Variants in SFSWAP observed in about 807,000 individuals in gnomAD.
SFSWAP encodes the protein splicing factor, suppressor of white-apricot homolog.
Under a neutral mutation model 100.7 loss-of-function variants are expected in SFSWAP, and 17 were observed. The ratio of observed to expected loss-of-function variants is 0.17; its 90% CI spans 0.12 to 0.25. SFSWAP has a LOEUF of 0.25. Ranked by LOEUF, SFSWAP falls within the 10% of genes least tolerant of loss-of-function variation. SFSWAP has a pLI of 1.00. For missense variants in SFSWAP, 1,005 were observed against 1,262.6 expected, an observed-to-expected ratio of 0.80 and a Z score of 3.09; for synonymous variants, 504 against 510.1, an observed-to-expected ratio of 0.99 and a Z score of 0.16.
At chr12:131,790,247 C>G (rs933893277) in intron 15 of SFSWAP, among the ~76,000 whole-genome samples, 1 of 152,184 alleles carries the variant, frequency 6.6e-6, no homozygotes, top group African/African-American at 2.4e-5. Flanking sequence ...AGTGGCAACC[C>G]TTCCAAGTCA....
In SFSWAP at chr12:131,711,551, G is replaced by A; in HGVS notation, c.218+104G>A. 1 of 977,130 alleles carries A rather than the reference G, an allele frequency of 1.0e-6. No individual in the cohort carries two copies. 60.5% of individuals were successfully genotyped at this position (977,130 alleles called of 1,614,324 possible). On this transcript the variant is annotated intron_variant, in intron 1 of 17. Transcript: ENST00000261674. This position sits in a 1 kb window ranked among gnomAD's most constrained non-coding sequence, Gnocchi z 4.9. ...GACTGCAGAGAGTTTTCTGGAGCCA[G>A]CGGGGATCTGGGGGACACCCCCTCC... is the stretch of plus-strand genomic sequence containing the variant.
chr12:131,725,614 A>T lies in SFSWAP; in HGVS notation c.816A>T (p.Lys272Asn). 6.2e-7 allele frequency: 1 copy of T among 1,613,504 alleles called. No homozygotes were observed. Among genetic ancestry groups the T allele is most frequent in the Non-Finnish European group, 8.5e-7 (1 of 1,179,704 alleles). The change falls in exon 5 of 18, where the codon AAA (lysine) becomes AAT (asparagine). Residue 272 changes from lysine (K) to asparagine (N), a missense_variant. Lys to Asn is a moderately conservative substitution (Grantham distance 94). This residue lies in a region of SFSWAP where 54 missense variants were observed against 51.9 expected (regional missense o/e 1.04). Transcript: ENST00000261674. This position sits in a 1 kb window ranked among gnomAD's most constrained non-coding sequence, Gnocchi z 4.3. ...EGRYTVLAEN[K>N]SDEKKKSGVS... The stretch of plus-strand genomic sequence containing the variant: ...GCTACACTGTCCTGGCAGAAAACAA[A>T]AGTGACGAGAAAAAAAGTAGGTCCC...
chr12:131,752,662 G>A (rs1881764483), intron 7 of SFSWAP, among the ~76,000 whole-genome samples: 2 of 152,364 alleles, frequency 1.3e-5, no homozygotes, highest in East Asian at 3.9e-4. Flanking sequence ...AATGGAGGGA[G>A]CAGCGTGCCT....
chr12:131,721,219 AC>A (rs1282967132), intron 4 of SFSWAP, among the ~76,000 whole-genome samples: 2 of 152,124 alleles, frequency 1.3e-5, no homozygotes, highest in Non-Finnish European at 2.9e-5. Context: ...CCCACCAGGC[AC>A]TGCCTCCAAC....
intron 12 of SFSWAP, among the ~76,000 whole-genome samples, chr12:131,765,504 C>T (rs1049996332): frequency 6.6e-6 from 1 of 152,002 alleles, no homozygotes; most frequent in Non-Finnish European, 1.5e-5. Context: ...CAAAATTAGC[C>T]GGGCGTGGTG....
intron 7 of SFSWAP, among the ~76,000 whole-genome samples, chr12:131,736,840 C>T (rs904215072): frequency 6.6e-6 from 1 of 151,810 alleles, no homozygotes; most frequent in Admixed American, 6.6e-5. Flanking sequence ...CAATGGAGTG[C>T]CATTTTTCAG....
rs201565806 is a variant in SFSWAP, at chr12:131,799,395, G to A, written c.2791-28G>A. ...GGGTTGTCTGGCCAGGTCTTCACAGGTTCTCCTCTGTGTCTCGCCCTGCAC... is the reference window on the plus strand; with the variant it reads ...GGGTTGTCTGGCCAGGTCTTCACAGATTCTCCTCTGTGTCTCGCCCTGCAC... On this transcript the variant is annotated intron_variant, in intron 17 of 17. Transcript: ENST00000261674. 1.2e-5 allele frequency: 19 copies of A among 1,611,542 alleles called. No homozygotes were observed. The African/African-American group carries it at 2.4e-4, about 20-fold the overall frequency.
At position 131,797,331 on chromosome 12, in the gene SFSWAP, G is replaced by C; in HGVS notation, c.2688G>C (p.Glu896Asp). Residue 896 changes from glutamate (E) to aspartate (D), a missense_variant, in exon 16 of 18, where the codon GAG becomes GAC. This residue lies in a region of SFSWAP where 295 missense variants were observed against 347.9 expected (regional missense o/e 0.85). Transcript: ENST00000261674. ...ACTCAGCCAGCGTCTCCCCTGTGGA[G>C]AGTCGGGGCTCCAGCCAGGAGCGCT... ...SAHSASVSPV[E>D]SRGSSQERSR... 6.2e-7 allele frequency: 1 copy of C among 1,610,274 alleles called. No individual in the cohort carries two copies. Among genetic ancestry groups the C allele is most frequent in the Non-Finnish European group, 8.5e-7 (1 of 1,178,456 alleles).
At chr12:131,717,536 GT>G (rs1280672203) in intron 3 of SFSWAP, among the ~76,000 whole-genome samples, 1 of 151,934 alleles carries the variant, frequency 6.6e-6, no homozygotes, top group Non-Finnish European at 1.5e-5. Context: ...TACTAAAGCT[GT>G]TTTTTTGTAA....
intron 14 of SFSWAP, among the ~76,000 whole-genome samples, chr12:131,783,146 T>C (rs1884620737): frequency 1.4e-5 from 2 of 143,136 alleles, no homozygotes; most frequent in Admixed American, 1.5e-4. Flanking sequence ...GTGTCACTGC[T>C]CTCCAGCCTG....
chr12:131,727,943 G>A (rs1879138364), intron 6 of SFSWAP, among the ~76,000 whole-genome samples: 1 of 152,194 alleles, frequency 6.6e-6, no homozygotes, highest in East Asian at 1.9e-4. Context: ...GATTGGACTG[G>A]AAAAGCTATT....
intron 15 of SFSWAP, among the ~76,000 whole-genome samples, chr12:131,791,728 C>G (rs1350809258): frequency 6.6e-6 from 1 of 152,196 alleles, no homozygotes. Context: ...CGCGACAGTG[C>G]AAGACTCCGT....
Position 131,734,882 on chromosome 12 carries a change from A to G in SFSWAP, c.1081+6454A>G, listed in dbSNP as rs7980865. Among the ~76,000 whole-genome samples, 11,654 of 144,238 alleles carry G rather than the reference A, an allele frequency of 0.081. 531 individuals are homozygous for G. Among genetic ancestry groups the G allele is most frequent in the Middle Eastern group, 0.13 (37 of 286 alleles). The allele number at this position is 144,238 out of a possible 152,430, so 94.6% of individuals were successfully genotyped here. On this transcript the variant is annotated intron_variant, in intron 7 of 17. Coordinates refer to ENST00000261674, the MANE Select transcript of SFSWAP (RefSeq NM_004592.4). The surrounding 1 kb of genome is among the most constrained non-coding windows in gnomAD (Gnocchi z 4.9). ...TGCTGCTGCTGCAGCCGCAGATACC[A>G]TCTCAGCCGGCATGGCGCATGGGGG...
intron 4 of SFSWAP, among the ~76,000 whole-genome samples, chr12:131,720,727 A>G (rs1027858887): frequency 1.3e-5 from 2 of 152,212 alleles, no homozygotes; most frequent in African/African-American, 4.8e-5. Flanking sequence ...AATCTGATGA[A>G]GGGCAATATA....
chr12:131,751,138 A>G (rs1382363082), intron 7 of SFSWAP, among the ~76,000 whole-genome samples: 2 of 152,186 alleles, frequency 1.3e-5, no homozygotes, highest in African/African-American at 4.8e-5. Context: ...TGTTCTTTAA[A>G]GGAATGGCGC....
At chr12:131,784,828 CT>C in intron 14 of SFSWAP, 1 of 343,678 alleles carries the variant, frequency 2.9e-6, no homozygotes, top group African/African-American at 2.1e-5. Flanking sequence ...GTAACAGCCA[CT>C]TCCCTTTAAA....
intron 15 of SFSWAP, among the ~76,000 whole-genome samples, chr12:131,795,687 G>A (rs1593199667): frequency 6.6e-6 from 1 of 152,022 alleles, no homozygotes; most frequent in East Asian, 2.0e-4. Context: ...GGTCTCCCTG[G>A]AAGGCAGAGG....
intron 7 of SFSWAP, among the ~76,000 whole-genome samples, chr12:131,748,029 C>T (rs1881297308): frequency 6.6e-6 from 1 of 152,182 alleles, no homozygotes; most frequent in African/African-American, 2.4e-5. Context: ...AGGCCACCAT[C>T]TGACTCTGGA....
rs543272606 is a variant in SFSWAP, at chr12:131,730,466, C to G, written c.1081+2038C>G. On this transcript the variant is annotated intron_variant, in intron 7 of 17. Transcript: ENST00000261674. The surrounding 1 kb of genome is among the most constrained non-coding windows in gnomAD (Gnocchi z 4.0). ...GGTGGAAGAACAGCCATGTGCAGAC[C>G]CCGCAGGACCAGGCAGGATGGTGGA... Among the ~76,000 whole-genome samples the G allele has an allele frequency of 1.9e-4, 29 of 152,310 alleles. No homozygotes were observed. The South Asian group carries it at 3.9e-3, about 21-fold the overall frequency.
Sources: allele counts gnomAD v4.1 joint callset (sites outside exome capture counted in the v4.1 genomes callset), GRCh38; gene constraint gnomAD v4.1.1; regional missense constraint gnomAD v4.1.1; non-coding constraint Gnocchi (gnomAD v3.1); transcripts MANE v1.5; gene names NCBI Gene and HGNC (gene_info 2026-07-23, HGNC 2026-07-21).